Variants in KCNH8 observed in about 807,000 individuals in gnomAD.
The protein encoded by KCNH8 is potassium voltage-gated channel subfamily H member 8, also known as voltage-gated delayed rectifier potassium channel KCNH8.
Under a neutral mutation model 103.6 loss-of-function variants are expected in KCNH8, and 70 were observed. The observed-to-expected ratio is 0.68, with a 90% CI of 0.56 to 0.82. KCNH8 has a LOEUF of 0.82. Ranked by LOEUF, KCNH8 falls within the 40% of genes least tolerant of loss-of-function variation. The probability of loss-of-function intolerance (pLI) is 0.00; values close to 1 mark genes in which losing one functional copy is unlikely to be tolerated. For missense variants in KCNH8, 1,217 were observed against 1,329.9 expected, an observed-to-expected ratio of 0.92 and a Z score of 1.32; for synonymous variants, 498 against 489.4, an observed-to-expected ratio of 1.02 and a Z score of -0.23.
intron 11 of KCNH8, among the ~76,000 whole-genome samples, chr3:19,461,418 A>G (rs2067625941): frequency 1.3e-5 from 2 of 152,158 alleles, no homozygotes; most frequent in Non-Finnish European, 2.9e-5. Flanking sequence ...TGATGATTAC[A>G]TTATGGATTC....
chr3:19,419,976 A>G (rs2066926948), intron 7 of KCNH8, among the ~76,000 whole-genome samples: 1 of 152,192 alleles, frequency 6.6e-6, no homozygotes, highest in African/African-American at 2.4e-5. Flanking sequence ...AAAATGTCAT[A>G]TGACAATTTT....
intron 11 of KCNH8, among the ~76,000 whole-genome samples, chr3:19,477,055 T>C (rs2067991434): frequency 6.6e-6 from 1 of 152,166 alleles, no homozygotes; most frequent in Admixed American, 6.6e-5. Context: ...TTATATAAAG[T>C]ATTCTTCCTA....
chr3:19,178,774 G>GGTTATTAATTATTTATTAAATTATT, intron 1 of KCNH8, among the ~76,000 whole-genome samples: 2 of 152,264 alleles, frequency 1.3e-5, no homozygotes, highest in Admixed American at 1.3e-4. Flanking sequence ...AATATGGTTA[G>GGTTATTAATTATTTATTAAATTATT]ACTTTAATAA....
chr3:19,173,780 A>G (rs78801459), intron 1 of KCNH8, among the ~76,000 whole-genome samples: 15,280 of 152,094 alleles, frequency 0.1, 2,513 homozygotes, highest in African/African-American at 0.34. Context: ...AAGGAGTTAT[A>G]ACTGATTCTC....
chr3:19,456,317 C>A (rs912886997), intron 10 of KCNH8, among the ~76,000 whole-genome samples: 5 of 151,988 alleles, frequency 3.3e-5, no homozygotes, highest in African/African-American at 9.7e-5. Flanking sequence ...CTTTTACTGT[C>A]AAATCTGATA....
intron 5 of KCNH8, among the ~76,000 whole-genome samples, chr3:19,351,625 C>T (rs763621072): frequency 5.9e-5 from 9 of 152,010 alleles, no homozygotes; most frequent in African/African-American, 1.7e-4. Flanking sequence ...ATTTTATATC[C>T]GGCCAAACTA....
chr3:19,424,525 A>C (rs1333063214), intron 7 of KCNH8, among the ~76,000 whole-genome samples: 1 of 152,146 alleles, frequency 6.6e-6, no homozygotes, highest in Non-Finnish European at 1.5e-5. Flanking sequence ...ATAACATCAG[A>C]AAAACTCGTC....
chr3:19,309,554 A>G (rs1396481171), intron 3 of KCNH8, among the ~76,000 whole-genome samples: 1 of 151,960 alleles, frequency 6.6e-6, no homozygotes, highest in Admixed American at 6.6e-5. Context: ...ACCACTGTCA[A>G]TTGGAGAGTG....
At chr3:19,523,745 T>C (rs2069013048) in intron 15 of KCNH8, among the ~76,000 whole-genome samples, 1 of 151,970 alleles carries the variant, frequency 6.6e-6, no homozygotes, top group African/African-American at 2.4e-5. Flanking sequence ...AATAGAAAAC[T>C]GGATACTGGC....
chr3:19,345,123 T>A (rs780933722), intron 4 of KCNH8, among the ~76,000 whole-genome samples: 1 of 152,064 alleles, frequency 6.6e-6, no homozygotes, highest in Non-Finnish European at 1.5e-5. Flanking sequence ...TTGAAAAAGG[T>A]GTTTTCAAAT....
intron 3 of KCNH8, among the ~76,000 whole-genome samples, chr3:19,313,548 C>T (rs2065233319): frequency 6.6e-6 from 1 of 151,922 alleles, no homozygotes; most frequent in African/African-American, 2.4e-5. Flanking sequence ...ACCCTGTTTT[C>T]CAAATCTCCC....
intron 1 of KCNH8, among the ~76,000 whole-genome samples, chr3:19,180,676 G>T (rs2063443155): frequency 2.0e-5 from 3 of 151,438 alleles, no homozygotes; most frequent in South Asian, 4.2e-4. Context: ...AAGTTGTATG[G>T]TTTTTTTTGT....
rs188288660 is a variant in KCNH8 at position 19,459,782 on chromosome 3, C to T, written c.2040+2800C>T. 5.3e-5 allele frequency among the ~76,000 whole-genome samples: 8 copies of T among 152,094 alleles called. No homozygotes were observed. The East Asian group carries it at 1.4e-3, about 26-fold the overall frequency. On this transcript the variant is annotated intron_variant, in intron 11 of 15. Transcript: ENST00000328405. ...TTGAATTTGTTTGTATATGGTGTAA[C>T]ATAAAGATCTAATTTTATTCTTCTG...
At chr3:19,159,986 G>T (rs1369162939) in intron 1 of KCNH8, among the ~76,000 whole-genome samples, 1 of 151,900 alleles carries the variant, frequency 6.6e-6, no homozygotes, top group Non-Finnish European at 1.5e-5. Flanking sequence ...ACCTTTTTGG[G>T]ATCAATGACC....
intron 13 of KCNH8, among the ~76,000 whole-genome samples, chr3:19,514,874 G>A (rs2068847001): frequency 2.0e-5 from 3 of 151,786 alleles, no homozygotes; most frequent in African/African-American, 7.3e-5. Flanking sequence ...AAGAGCCTCT[G>A]TCTACAACAG....
intron 1 of KCNH8, among the ~76,000 whole-genome samples, chr3:19,226,912 A>G (rs983135998): frequency 3.3e-5 from 5 of 152,068 alleles, no homozygotes; most frequent in African/African-American, 9.7e-5. Context: ...CAGATCCACA[A>G]TTTCCCAGTC....
At chr3:19,201,558 T>C (rs1256196168) in intron 1 of KCNH8, among the ~76,000 whole-genome samples, 2 of 151,948 alleles carry the variant, frequency 1.3e-5, no homozygotes, top group African/African-American at 4.8e-5. Context: ...TTTTTTGACT[T>C]TTTTTTATAT....
chr3:19,360,524 CTG>C (rs1384119223), intron 5 of KCNH8, among the ~76,000 whole-genome samples: 1 of 152,044 alleles, frequency 6.6e-6, no homozygotes, highest in Non-Finnish European at 1.5e-5. Flanking sequence ...GCAACAGAGA[CTG>C]TGGCCAACAG....
intron 8 of KCNH8, among the ~76,000 whole-genome samples, chr3:19,441,158 T>G (rs548431632): frequency 6.6e-6 from 1 of 152,230 alleles, no homozygotes; most frequent in African/African-American, 2.4e-5. Flanking sequence ...TTGGACCTCC[T>G]CAGACAATCT....
Sources: allele counts gnomAD v4.1 joint callset (sites outside exome capture counted in the v4.1 genomes callset), GRCh38; gene constraint gnomAD v4.1.1; transcripts MANE v1.5; gene names NCBI Gene and HGNC (gene_info 2026-07-23, HGNC 2026-07-21).